Variants in MUC12 observed in about 807,000 individuals in gnomAD.
MUC12 encodes mucin-12.
A neutral mutation model predicts 230.8 loss-of-function variants in MUC12; 172 were observed. The observed-to-expected ratio is 0.75, with a 90% CI of 0.66 to 0.85. The LOEUF is 0.85. Ranked by LOEUF, MUC12 falls within the 40% of genes least tolerant of loss-of-function variation. The pLI, the probability that MUC12 is intolerant of heterozygous loss-of-function variation, is 0.00. For synonymous variants in MUC12, 1,259 were observed against 2,401.9 expected (o/e 0.52, Z 13.91); for missense variants, 3,506 against 5,920.6 (o/e 0.59, Z 13.38).
Position 101,004,505 on chromosome 7 carries a change from A to G in MUC12, c.13942A>G (p.Thr4648Ala), listed in dbSNP as rs1221155256. Residue 4648 changes from threonine (T) to alanine (A), a missense_variant, in exon 2 of 12, where the codon ACA becomes GCA. Thr to Ala is a moderately conservative substitution (Grantham distance 58). Coordinates refer to ENST00000536621, the MANE Select transcript of MUC12 (RefSeq NM_001164462.2). ...CACAATATCTTCACCTCCTAGCACC[A>G]CATCTGCCCTTGTTGAAGAACCTAC... ...THTISSPPST[T>A]SALVEEPTSY... is the part of the protein sequence containing the mutation. The G allele has an allele frequency of 6.5e-7, 1 of 1,534,196 alleles. No homozygotes were observed. Among genetic ancestry groups the G allele is most frequent in the Admixed American group, 2.0e-5 (1 of 50,558 alleles).
At chr7:101,006,601 C>T in intron 3 of MUC12, 29 bp downstream of exon 3, 2 of 1,413,304 alleles carry the variant, frequency 1.4e-6, no homozygotes, top group Non-Finnish European at 1.9e-6. Context: ...ACCTGCAGCT[C>T]TTTGCAGGCC....
In MUC12 at chr7:100,992,471, C is replaced by G. The variant is rs756310088; in HGVS notation, c.1908C>G (p.Ser636Arg). The G allele has an allele frequency of 9.8e-6, 15 of 1,537,794 alleles. No homozygotes were observed. Among genetic ancestry groups the G allele is most frequent in the Middle Eastern group, 1.7e-4 (1 of 6,018 alleles). Residue 636 changes from serine (S) to arginine (R), a missense_variant, in exon 2 of 12, where the codon AGC becomes AGG. By Grantham distance (110) the Ser-to-Arg change is moderately radical. Coordinates refer to ENST00000536621, the MANE Select transcript of MUC12 (RefSeq NM_001164462.2). ...AGGGAGAATCTACCACATTCCATAG[C>G]TGGCCAAGCTCAAAGGACACTAGGC... Reference protein sequence around the residue: ...TRQGESTTFHSWPSSKDTRPA... With the variant: ...TRQGESTTFHRWPSSKDTRPA...
intron 1 of MUC12, among the ~76,000 whole-genome samples, chr7:100,977,526 C>T (rs1354402144): frequency 2.0e-5 from 3 of 151,952 alleles, no homozygotes; most frequent in Non-Finnish European, 4.4e-5. Flanking sequence ...CCACCACGCC[C>T]GGCTAAGTTT....
At position 100,987,060 on chromosome 7, in the gene MUC12, G is replaced by GTTTTTTTT. The variant is rs1176844989; in HGVS notation, c.68-3554_68-3547dup. 4.4e-4 allele frequency among the ~76,000 whole-genome samples: 40 copies of GTTTTTTTT among 91,336 alleles called. 3 individuals are homozygous for GTTTTTTTT. Among genetic ancestry groups the GTTTTTTTT allele is most frequent in the African/African-American group, 1.8e-3 (40 of 22,488 alleles). The allele number at this position is 91,336 out of a possible 152,430, so 59.9% of individuals were successfully genotyped here. ...CCTCCAGTCCAGGGCCAAGATAATGGTTTTTTTTTTTTTTTTTTTTTTTTG... is the reference window on the plus strand; with the variant it reads ...CCTCCAGTCCAGGGCCAAGATAATGGTTTTTTTTTTTTTTTTTTTTTTTTTTTTTTTTG... On this transcript the variant is annotated intron_variant, in intron 1 of 11. Transcript: ENST00000536621.
At position 100,992,431 on chromosome 7, in the gene MUC12, G is replaced by A. The variant is rs1346947397; in HGVS notation, c.1868G>A (p.Gly623Asp). 2.0e-6 allele frequency: 3 copies of A among 1,537,954 alleles called. No homozygotes were observed. The East Asian group carries it at 7.3e-5, about 38-fold the overall frequency. The change falls in exon 2 of 12, where the codon GGC becomes GAC. Residue 623 changes from glycine (G) to aspartate (D), a missense_variant. Transcript: ENST00000536621. ...CCACACACAACACTGTCCCCTGCCG[G>A]CTCTACAACCCGTCAGGGAGAATCT... is the stretch of plus-strand genomic sequence containing the variant. ...RSPHTTLSPAGSTTRQGESTT... is the reference protein window; with the variant it reads ...RSPHTTLSPADSTTRQGESTT...
Position 100,992,234 on chromosome 7 carries a change from C to T in MUC12, c.1671C>T (p.Gly557=), listed in dbSNP as rs369142913. Residue 557 remains glycine, a synonymous_variant, in exon 2 of 12, where the codon GGC becomes GGT. Coordinates refer to ENST00000536621, the MANE Select transcript of MUC12 (RefSeq NM_001164462.2). Reference sequence around the variant, plus strand: ...CTACAGCTTCCCACAGCAGCCCAGGCCCCACAGACACAACATTGTCCCCTG... The same window carrying T: ...CTACAGCTTCCCACAGCAGCCCAGGTCCCACAGACACAACATTGTCCCCTG... The part of the protein sequence containing the change: ...QESTASHSSP[G]PTDTTLSPGS... 1,494 of 1,537,142 alleles carry T rather than the reference C, an allele frequency of 9.7e-4. 20 individuals carry two copies. In the African/African-American group the frequency reaches 0.018, roughly 18 times the overall value.
At chr7:100,987,252 G>A (rs59276389) in intron 1 of MUC12, among the ~76,000 whole-genome samples, 98,031 of 151,388 alleles carry the variant, frequency 0.65, 31,938 homozygotes, top group Non-Finnish European at 0.67. Flanking sequence ...TTTTTAGTAG[G>A]GATGGGGTTT....
chr7:100,982,726 GC>G (rs1793128186), intron 1 of MUC12, among the ~76,000 whole-genome samples: 1 of 151,352 alleles, frequency 6.6e-6, no homozygotes, highest in Non-Finnish European at 1.5e-5. Context: ...GCCACATCTG[GC>G]CTTTTTGTTT....
At chr7:100,990,323 T>C (rs905196808) in intron 1 of MUC12, among the ~76,000 whole-genome samples, 4 of 152,220 alleles carry the variant, frequency 2.6e-5, no homozygotes, top group African/African-American at 7.2e-5. Flanking sequence ...GTAAATGTAA[T>C]GTGCTTGAAT....
intron 1 of MUC12, among the ~76,000 whole-genome samples, chr7:100,983,714 C>A (rs1450750622): frequency 6.6e-6 from 1 of 152,088 alleles, no homozygotes; most frequent in Non-Finnish European, 1.5e-5. Context: ...TGCTCTGTAC[C>A]CAATAAATGC....
At position 100,972,818 on chromosome 7, in the gene MUC12, C is replaced by A. The variant is rs1471739888; in HGVS notation, c.67+3129C>A. 4.3e-6 allele frequency: 3 copies of A among 696,492 alleles called. No individual in the cohort carries two copies. In the African/African-American group the frequency reaches 5.3e-5, roughly 12 times the overall value. The allele number at this position is 696,492 out of a possible 1,614,324, so 43.1% of individuals were successfully genotyped here. A position where few individuals can be genotyped will look rare whatever the true frequency, so the allele number is the denominator to read the frequency against. On this transcript the variant is annotated intron_variant, in intron 1 of 11. Coordinates refer to ENST00000536621, the MANE Select transcript of MUC12 (RefSeq NM_001164462.2). The stretch of plus-strand genomic sequence containing the variant: ...ACCGCATCTGGCCCAGCATCTGTAG[C>A]TTTTCTTCCTACTCTCTGCACGCTT...
chr7:100,971,001 A>C (rs931699375), intron 1 of MUC12, among the ~76,000 whole-genome samples: 1 of 151,750 alleles, frequency 6.6e-6, no homozygotes, highest in Non-Finnish European at 1.5e-5. Flanking sequence ...TCTCAAAAAA[A>C]AAAAATTAGC....
At chr7:100,978,519 A>G (rs1352328691) in intron 1 of MUC12, among the ~76,000 whole-genome samples, 1 of 152,174 alleles carries the variant, frequency 6.6e-6, no homozygotes, top group Admixed American at 6.5e-5. Flanking sequence ...GGATTGCACA[A>G]GGTCACACAG....
chr7:100,991,167 T>A lies in MUC12; in HGVS notation c.604T>A (p.Ser202Thr), dbSNP rs747393179. ...TACAGCTTCCCACAGCATCCCCGGC[T>A]CCACAGACACAACACTGTCCCCTGG... is the stretch of plus-strand genomic sequence containing the variant. The part of the protein sequence containing the change: ...ESTASHSIPG[S>T]TDTTLSPGTT... The change falls in exon 2 of 12, where the codon TCC becomes ACC. Residue 202 changes from serine to threonine, a missense_variant. Physicochemically the swap from Ser to Thr is moderately conservative, Grantham distance 58 (BLOSUM62 1). Coordinates refer to ENST00000536621, the MANE Select transcript of MUC12 (RefSeq NM_001164462.2). 4.9e-5 allele frequency: 75 copies of A among 1,537,282 alleles called. No homozygotes were observed. The highest frequency in any genetic ancestry group is 6.5e-5 in the Non-Finnish European group (75 of 1,146,808).
intron 7 of MUC12, 31 bp downstream of exon 7, chr7:101,012,921 G>A: frequency 3.9e-6 from 6 of 1,537,280 alleles, no homozygotes; most frequent in Non-Finnish European, 5.2e-6. Flanking sequence ...TGGGCACTAA[G>A]AGTGGGGGCT....
At chr7:101,009,825 A>G (rs1252368286) in intron 5 of MUC12, among the ~76,000 whole-genome samples, 1 of 152,086 alleles carries the variant, frequency 6.6e-6, no homozygotes, top group African/African-American at 2.4e-5. Flanking sequence ...CAGGAACCTA[A>G]AGACGCTCAG....
chr7:101,015,551 A>T, intron 9 of MUC12, 64 bp from the exon 10 acceptor site: 1 of 1,404,990 alleles, frequency 7.1e-7, no homozygotes, highest in South Asian at 1.2e-5. Flanking sequence ...GCTGAAGGTC[A>T]GGGTCCACCA....
At chr7:100,990,106 T>C (rs1793255146) in intron 1 of MUC12, among the ~76,000 whole-genome samples, 1 of 151,842 alleles carries the variant, frequency 6.6e-6, no homozygotes, top group Non-Finnish European at 1.5e-5. Context: ...ATAACAGGGG[T>C]CCCCAACCCC....
Position 101,018,813 on chromosome 7 carries a change from G to T in MUC12, c.*177G>T. Reference sequence around the variant, plus strand: ...GCCTGTGCTCCTGCTGGGGAAGGCTGGGGGCTGTAAGCCTCTCCATCCGGG... The same window carrying T: ...GCCTGTGCTCCTGCTGGGGAAGGCTTGGGGCTGTAAGCCTCTCCATCCGGG... On this transcript the variant is annotated 3_prime_UTR_variant, in exon 12 of 12. Coordinates refer to ENST00000536621, the MANE Select transcript of MUC12 (RefSeq NM_001164462.2). 1.7e-6 allele frequency: 1 copy of T among 601,390 alleles called. No individual in the cohort carries two copies. The highest frequency in any genetic ancestry group is 3.8e-5 in the Admixed American group (1 of 26,294). 37.3% of individuals were successfully genotyped at this position (601,390 alleles called of 1,614,324 possible).
Sources: gnomAD v4.1 joint callset for allele counts (sites outside exome capture counted in the v4.1 genomes callset) on GRCh38, gnomAD v4.1.1 for gene constraint, MANE v1.5 for transcripts, NCBI Gene and HGNC (gene_info 2026-07-23, HGNC 2026-07-21) for gene names.